PIGP: variants seen among roughly 807,000 people sequenced by gnomAD.
PIGP encodes the protein phosphatidylinositol N-acetylglucosaminyltransferase subunit P.
Under a neutral mutation model 16.9 loss-of-function variants are expected in PIGP, and 12 were observed. That is an observed-to-expected ratio of 0.71 (90% CI 0.46 to 1.15). The LOEUF is 1.15. Among genes scored for constraint, PIGP ranks in the 50% most tolerant of loss-of-function variants. The probability of loss-of-function intolerance (pLI) is 0.00; values close to 1 mark genes in which losing one functional copy is unlikely to be tolerated. For missense variants in PIGP, 159 were observed against 153.5 expected (o/e 1.04, Z -0.19); for synonymous variants, 57 against 54.7 (o/e 1.04, Z -0.18).
chr21:37,068,276 T>G (rs1288502900), intron 3 of PIGP, among the ~76,000 whole-genome samples: 3 of 151,922 alleles, frequency 2.0e-5, no homozygotes, highest in African/African-American at 4.8e-5. Flanking sequence ...GTTTGAATTT[T>G]TAACGATTAT....
intron 3 of PIGP, chr21:37,069,309 T>TC (rs2069959340): frequency 3.7e-6 from 1 of 268,306 alleles, no homozygotes; most frequent in Non-Finnish European, 7.1e-6. Context: ...TTTTTTTTTT[T>TC]CCTGTAGGGT....
Position 37,069,533 on chromosome 21 carries a change from A to G in PIGP, c.155+19T>C. 1 of 1,426,834 alleles carries G rather than the reference A, an allele frequency of 7.0e-7. No individual in the cohort carries two copies. The highest frequency in any genetic ancestry group is 1.4e-5 in the African/African-American group (1 of 70,082). 88.4% of individuals were successfully genotyped at this position (1,426,834 alleles called of 1,614,324 possible). ...ACAGCATTAATTATATCCTCATTTA[A>G]GAAATATATTAAACTTACTTTTGAG... On this transcript the variant is annotated intron_variant, in intron 3 of 4. Transcript: ENST00000360525.
At chr21:37,068,819 C>T (rs148773762) in intron 3 of PIGP, among the ~76,000 whole-genome samples, 2 of 152,088 alleles carry the variant, frequency 1.3e-5, no homozygotes, top group South Asian at 2.1e-4. Context: ...ATATAAGCCT[C>T]GAAGCCCCAA....
chr21:37,069,295 G>GTTTTT, intron 3 of PIGP: 2 of 205,310 alleles, frequency 9.7e-6, no homozygotes, highest in Non-Finnish European at 9.6e-6. Context: ...TGTATCTTCA[G>GTTTTT]TTTTTTTTTT....
At chr21:37,065,808 C>T (rs563786984) in intron 4 of PIGP, 96 bp from the exon 5 acceptor site, 255 of 987,960 alleles carry the variant, frequency 2.6e-4, no homozygotes, top group South Asian at 1.2e-3. Flanking sequence ...ACTAGGCTGA[C>T]GTTTGGATAG....
chr21:37,072,689 A>AC (rs1178662669), intron 1 of PIGP, 152 bp from the exon 2 acceptor site: 6 of 1,341,638 alleles, frequency 4.5e-6, no homozygotes. Flanking sequence ...CCTCGAGCGC[A>AC]TACAGACACC....
intron 1 of PIGP, 181 bp from the exon 2 acceptor site, chr21:37,072,718 G>A (rs1014604073): frequency 1.2e-5 from 11 of 916,360 alleles, no homozygotes; most frequent in Non-Finnish European, 9.9e-6. Flanking sequence ...CGCGCGCCCC[G>A]CAACAGAAGG....
At chr21:37,072,141 T>C (rs2070099599) in intron 2 of PIGP, 1 of 1,025,998 alleles carries the variant, frequency 9.7e-7, no homozygotes, top group African/African-American at 1.6e-5. Flanking sequence ...AACTGTAGAT[T>C]TACCCATCTG....
rs534215083 is a variant in PIGP at position 37,066,633 on chromosome 21, T to C, written c.274+629A>G. Among the ~76,000 whole-genome samples the C allele has an allele frequency of 3.3e-5, 5 of 152,314 alleles. No individual in the cohort carries two copies. In the South Asian group the frequency reaches 1.0e-3, roughly 32 times the overall value. ...GGCTCTTTTATCCACTTAATTGGAA[T>C]AAGGAGTACACAATGATCCTGAGGA... On this transcript the variant is annotated intron_variant, in intron 4 of 4. Coordinates refer to ENST00000360525, the MANE Select transcript of PIGP (RefSeq NM_153682.3).
chr21:37,068,303 A>T (rs1455310895), intron 3 of PIGP, among the ~76,000 whole-genome samples: 2 of 146,818 alleles, frequency 1.4e-5, no homozygotes, highest in African/African-American at 5.0e-5. Context: ...TTATATTTTC[A>T]TTTTTTTTTG....
At chr21:37,070,024 C>T (rs1377472633) in intron 2 of PIGP, among the ~76,000 whole-genome samples, 1 of 152,136 alleles carries the variant, frequency 6.6e-6, no homozygotes, top group East Asian at 1.9e-4. Context: ...AGTTCTCATC[C>T]ACCACATACT....
At position 37,072,554 on chromosome 21, in the gene PIGP, C is replaced by T; in HGVS notation, c.-22-17G>A. ...TTAGACAATCTGTGGAAAAGGAACA[C>T]AATCAGCGTCAGCGATGTGCTCCGT... On this transcript the variant is annotated splice_polypyrimidine_tract_variant and intron_variant, in intron 1 of 4. Coordinates refer to ENST00000360525, the MANE Select transcript of PIGP (RefSeq NM_153682.3). The T allele has an allele frequency of 6.2e-7, 1 of 1,614,254 alleles. No individual in the cohort carries two copies. The highest frequency in any genetic ancestry group is 8.5e-7 in the Non-Finnish European group (1 of 1,180,042).
rs371292571 is a variant in PIGP, at chr21:37,067,325, C to T, written c.211G>A (p.Val71Met). 7.3e-5 allele frequency: 117 copies of T among 1,612,116 alleles called. 1 individual carries two copies. Among genetic ancestry groups the T allele is most frequent in the South Asian group, 1.8e-4 (16 of 91,028 alleles). ...ATCATGTTAATCCCAAACAAGAGCA[C>T]GTAGCCAATTACTATAGCAATAAGG... is the stretch of plus-strand genomic sequence containing the variant. ...YLLIAIVIGYVLLFGINMMST... is the reference protein window; with the variant it reads ...YLLIAIVIGYMLLFGINMMST... Residue 71 changes from valine (V) to methionine (M), a missense_variant, in exon 4 of 5, where the codon GTG becomes ATG. Physicochemically the swap from Val to Met is conservative, Grantham distance 21 (BLOSUM62 1). Coordinates refer to ENST00000360525, the MANE Select transcript of PIGP (RefSeq NM_153682.3).
chr21:37,072,608 G>A, intron 1 of PIGP, 71 bp from the exon 2 acceptor site: 1 of 1,605,046 alleles, frequency 6.2e-7, no homozygotes, highest in South Asian at 1.1e-5. Flanking sequence ...TCGCCTCCTC[G>A]CTCCGCCGCG....
At chr21:37,068,196 G>A (rs1164131821) in intron 3 of PIGP, among the ~76,000 whole-genome samples, 1 of 132,736 alleles carries the variant, frequency 7.5e-6, no homozygotes, top group African/African-American at 2.7e-5. Flanking sequence ...GTCTTGAGAT[G>A]TTGGCCAGAT....
chr21:37,067,229 T>C, intron 4 of PIGP, 33 bp downstream of exon 4: 2 of 1,239,686 alleles, frequency 1.6e-6, no homozygotes, highest in Admixed American at 1.7e-5. Context: ...CACTCTTTCA[T>C]TGCCCCAGCA....
At position 37,067,252 on chromosome 21, in the gene PIGP, A is replaced by C; in HGVS notation, c.274+10T>G. ...CATTGCCCCAGCACTTTCCTTTTAT[A>C]TAAAGTTACCTGTGATTGTATGGAT... On this transcript the variant is annotated intron_variant, in intron 4 of 4. Coordinates refer to ENST00000360525, the MANE Select transcript of PIGP (RefSeq NM_153682.3). The C allele has an allele frequency of 6.8e-7, 1 of 1,467,650 alleles. No homozygotes were observed. The highest frequency in any genetic ancestry group is 9.5e-7 in the Non-Finnish European group (1 of 1,047,162). The allele number at this position is 1,467,650 out of a possible 1,614,324, so 90.9% of individuals were successfully genotyped here.
intron 2 of PIGP, among the ~76,000 whole-genome samples, chr21:37,071,657 C>G (rs915708099): frequency 6.6e-6 from 1 of 152,176 alleles, no homozygotes; most frequent in African/African-American, 2.4e-5. Context: ...TACCACTCCT[C>G]CACTTTCCTG....
intron 2 of PIGP, among the ~76,000 whole-genome samples, chr21:37,071,831 T>A (rs970263878): frequency 6.6e-6 from 1 of 152,116 alleles, no homozygotes; most frequent in African/African-American, 2.4e-5. Flanking sequence ...TAAAATGGAA[T>A]GTTATGGGGT....
Sources: gnomAD v4.1 joint callset for allele counts (sites outside exome capture counted in the v4.1 genomes callset) on GRCh38, gnomAD v4.1.1 for gene constraint, MANE v1.5 for transcripts, NCBI Gene and HGNC (gene_info 2026-07-23, HGNC 2026-07-21) for gene names.